MYBPC2: variants seen among roughly 807,000 people sequenced by gnomAD.
MYBPC2 encodes myosin-binding protein C, fast-type.
MYBPC2 carries 122 observed loss-of-function variants against 137.0 expected under a neutral mutation model. That is an observed-to-expected ratio of 0.89 (90% CI 0.77 to 1.03). The LOEUF is 1.03. MYBPC2 is among the 50% of genes least tolerant of loss of function. MYBPC2 has a pLI of 0.00. For missense variants in MYBPC2, 1,500 were observed against 1,534.4 expected (o/e 0.98, Z 0.37); for synonymous variants, 626 against 612.3 (o/e 1.02, Z -0.33).
intron 12 of MYBPC2, 117 bp downstream of exon 12, chr19:50,446,169 C>T: frequency 8.0e-7 from 1 of 1,248,218 alleles, no homozygotes; most frequent in East Asian, 2.6e-5. Flanking sequence ...TCCCACACAC[C>T]CTATGTTCAG....
In MYBPC2 at chr19:50,435,161, C is replaced by A. The variant is rs201530737; in HGVS notation, c.20C>A (p.Ala7Glu). ...ACTATGACTGTCCCCTACCTTACAGCGGCCAAAAAGGCCCCCAAAGGCAAA... is the reference window on the plus strand; with the variant it reads ...ACTATGACTGTCCCCTACCTTACAGAGGCCAAAAAGGCCCCCAAAGGCAAA... MPEAKP[A>E]AKKAPKGKDA... The change falls in exon 2 of 28, where the codon GCG becomes GAG. Residue 7 changes from alanine to glutamate, a missense_variant and splice_region_variant. Physicochemically the swap from Ala to Glu is moderately radical, Grantham distance 107. Coordinates refer to ENST00000357701, the MANE Select transcript of MYBPC2 (RefSeq NM_004533.4). This position sits in a 1 kb window ranked among gnomAD's most constrained non-coding sequence, Gnocchi z 4.8. 2 of 1,308,216 alleles carry A rather than the reference C, an allele frequency of 1.5e-6. No individual in the cohort carries two copies. Among genetic ancestry groups the A allele is most frequent in the Non-Finnish European group, 2.2e-6 (2 of 907,502 alleles). The allele number at this position is 1,308,216 out of a possible 1,614,324, so 81.0% of individuals were successfully genotyped here.
chr19:50,465,241 G>A lies in MYBPC2; in HGVS notation c.3415+709G>A, dbSNP rs987891605. 2.0e-5 allele frequency among the ~76,000 whole-genome samples: 3 copies of A among 152,156 alleles called. No individual in the cohort carries two copies. The highest frequency in any genetic ancestry group is 2.0e-4 in the Admixed American group (3 of 15,298). Reference sequence around the variant, plus strand: ...TCCACCCCGGTTCTTCCCACATGATGTCCCAGCCACACCGGGCTGTTGGCA... The same window carrying A: ...TCCACCCCGGTTCTTCCCACATGATATCCCAGCCACACCGGGCTGTTGGCA... On this transcript the variant is annotated intron_variant, in intron 27 of 27. Coordinates refer to ENST00000357701, the MANE Select transcript of MYBPC2 (RefSeq NM_004533.4). This position sits in a 1 kb window ranked among gnomAD's most constrained non-coding sequence, Gnocchi z 4.5.
In MYBPC2 at chr19:50,446,021, C is replaced by T. The variant is rs199929328; in HGVS notation, c.1275C>T (p.Gly425=). Residue 425 remains glycine, a synonymous_variant, in exon 12 of 28, where the codon GGC becomes GGT. Transcript: ENST00000357701. ...DRGRYQVITN[G]GQCEAELIVE... is the part of the protein sequence containing the mutation. Reference sequence around the variant, plus strand: ...GTCGCTATCAGGTCATAACCAATGGCGGCCAGTGTGAGGCCGAGCTGATTG... The same window carrying T: ...GTCGCTATCAGGTCATAACCAATGGTGGCCAGTGTGAGGCCGAGCTGATTG... 1.7e-4 allele frequency: 272 copies of T among 1,613,246 alleles called. No homozygotes were observed. The African/African-American group carries it at 2.9e-3, about 17-fold the overall frequency.
rs1009430167 is a variant in MYBPC2, at chr19:50,465,364, C to T, written c.3416-831C>T. Among the ~76,000 whole-genome samples the T allele has an allele frequency of 6.6e-6, 1 of 152,230 alleles. No homozygotes were observed. Among genetic ancestry groups the T allele is most frequent in the African/African-American group, 2.4e-5 (1 of 41,454 alleles). On this transcript the variant is annotated intron_variant, in intron 27 of 27. Transcript: ENST00000357701. The surrounding 1 kb of genome is among the most constrained non-coding windows in gnomAD (Gnocchi z 4.5). The stretch of plus-strand genomic sequence containing the variant: ...CCGCTCCTTTACCCTGGGCTCCGGC[C>T]CATCAGATGTCTGCCAGTCAAGGCT...
Position 50,464,392 on chromosome 19 carries a change from C to T in MYBPC2, c.3275C>T (p.Pro1092Leu), listed in dbSNP as rs752100116. 3.7e-6 allele frequency: 6 copies of T among 1,610,884 alleles called. No homozygotes were observed. Among genetic ancestry groups the T allele is most frequent in the Non-Finnish European group, 5.1e-6 (6 of 1,178,790 alleles). ...MKNKMEIRED[P>L]KFLITNYQGV... The stretch of plus-strand genomic sequence containing the variant: ...AACAAGATGGAAATCCGTGAAGATC[C>T]CAAGTTCCTGATAACCAATTACCAA... The change falls in exon 27 of 28, where the codon CCC becomes CTC. Residue 1092 changes from proline to leucine, a missense_variant. Transcript: ENST00000357701.
At chr19:50,442,672 C>T (rs904829896) in intron 9 of MYBPC2, among the ~76,000 whole-genome samples, 5 of 151,950 alleles carry the variant, frequency 3.3e-5, no homozygotes, top group South Asian at 2.1e-4. Context: ...GTTGCGGTTG[C>T]GGTGAGCTGA....
intron 20 of MYBPC2, among the ~76,000 whole-genome samples, chr19:50,456,120 CCAT>C (rs879935915): frequency 2.8e-5 from 4 of 142,274 alleles, no homozygotes; most frequent in Non-Finnish European, 4.6e-5. Flanking sequence ...ATCCATCCAT[CCAT>C]CATTTCCATC....
Position 50,435,267 on chromosome 19 carries a change from T to A in MYBPC2, c.109+17T>A. The A allele has an allele frequency of 9.4e-7, 1 of 1,067,090 alleles. No individual in the cohort carries two copies. Among genetic ancestry groups the A allele is most frequent in the Non-Finnish European group, 1.4e-6 (1 of 699,606 alleles). 66.1% of individuals were successfully genotyped at this position (1,067,090 alleles called of 1,614,324 possible). A position where few individuals can be genotyped will look rare whatever the true frequency, so the allele number is the denominator to read the frequency against. ...CCCCCAAAGGTGAGGAGGTGCTCCC[T>A]CGGGCTCAACCGACCTGGCTTCTCA... On this transcript the variant is annotated intron_variant, in intron 2 of 27. Coordinates refer to ENST00000357701, the MANE Select transcript of MYBPC2 (RefSeq NM_004533.4). This position sits in a 1 kb window ranked among gnomAD's most constrained non-coding sequence, Gnocchi z 4.8.
At chr19:50,459,090 C>T (rs1568668293) in intron 22 of MYBPC2, 21 bp from the exon 23 acceptor site, 2 of 1,549,900 alleles carry the variant, frequency 1.3e-6, no homozygotes, top group Non-Finnish European at 1.7e-6. Flanking sequence ...GACCCCACCC[C>T]GCCCCGCCCT....
chr19:50,464,234 TG>T, intron 26 of MYBPC2, 111 bp from the exon 27 acceptor site: 1 of 951,076 alleles, frequency 1.1e-6, no homozygotes, highest in Non-Finnish European at 1.5e-6. Flanking sequence ...CAAGAACATC[TG>T]GCAAGAGGGT....
rs2039714286 is a variant in MYBPC2, at chr19:50,437,481, C to G, written c.472C>G (p.Gln158Glu). Reference sequence around the variant, plus strand: ...TCATCACCTCTCCCCAGCACCCCGTCAGGATGCCTCTGGGCAGAGTCTAGA... The same window carrying G: ...TCATCACCTCTCCCCAGCACCCCGTGAGGATGCCTCTGGGCAGAGTCTAGA... ...GFNIDVEAPR[Q>E]DASGQSLESF... Residue 158 changes from glutamine to glutamate, a missense_variant, in exon 6 of 28, where the codon CAG becomes GAG. Physicochemically the swap from Gln to Glu is conservative, Grantham distance 29. Coordinates refer to ENST00000357701, the MANE Select transcript of MYBPC2 (RefSeq NM_004533.4). 1 of 1,611,002 alleles carries G rather than the reference C, an allele frequency of 6.2e-7. No homozygotes were observed. The highest frequency in any genetic ancestry group is 8.5e-7 in the Non-Finnish European group (1 of 1,178,670).
chr19:50,461,532 C>T lies in MYBPC2; in HGVS notation c.2932-10C>T, dbSNP rs751430261. 6.2e-7 allele frequency: 1 copy of T among 1,612,238 alleles called. No homozygotes were observed. Among genetic ancestry groups the T allele is most frequent in the African/African-American group, 1.3e-5 (1 of 74,884 alleles). ...CCGACCCGCCTGGTCCCTCCCTGTC[C>T]CCACACTAGGAGTGGTTCAACGTCT... On this transcript the variant is annotated splice_polypyrimidine_tract_variant and intron_variant, in intron 24 of 27. Coordinates refer to ENST00000357701, the MANE Select transcript of MYBPC2 (RefSeq NM_004533.4).
At chr19:50,434,308 A>G (rs1397065134) in intron 1 of MYBPC2, among the ~76,000 whole-genome samples, 2 of 147,322 alleles carry the variant, frequency 1.4e-5, no homozygotes, top group South Asian at 2.2e-4. Flanking sequence ...AGTGAGCCCA[A>G]ATCTTGCCAC....
chr19:50,437,633 C>T (rs781221120), intron 6 of MYBPC2, 26 bp from the exon 7 acceptor site: 5 of 1,598,402 alleles, frequency 3.1e-6, no homozygotes, highest in Non-Finnish European at 4.3e-6. Context: ...AGGGTCAAGA[C>T]TCACATGCCC....
At chr19:50,444,132 GTCCATCCATCCATCCATCCA>G (rs3087049) in intron 11 of MYBPC2, among the ~76,000 whole-genome samples, 24 of 144,594 alleles carry the variant, frequency 1.7e-4, no homozygotes, top group African/African-American at 3.1e-4. Flanking sequence ...CATCCACCCA[GTCCATCCATCCATCCATCCA>G]TCCATCCATC....
chr19:50,457,371 A>G (rs1413052615), intron 20 of MYBPC2, among the ~76,000 whole-genome samples: 1 of 152,044 alleles, frequency 6.6e-6, no homozygotes, highest in Non-Finnish European at 1.5e-5. Flanking sequence ...TAAACCCAAG[A>G]CAGAAGGGCA....
At position 50,461,570 on chromosome 19, in the gene MYBPC2, G is replaced by C; in HGVS notation, c.2960G>C (p.Arg987Thr). ...MEWFNVYERN[R>T]HTSCTVSDLI... is the part of the protein sequence containing the mutation. ...TGGTTCAACGTCTATGAACGTAACA[G>C]GCACACTAGCTGTACTGTGTCCGAC... Residue 987 changes from arginine to threonine, a missense_variant, in exon 25 of 28, where the codon AGG becomes ACG. By Grantham distance (71) the Arg-to-Thr change is moderately conservative. Coordinates refer to ENST00000357701, the MANE Select transcript of MYBPC2 (RefSeq NM_004533.4). 1.9e-6 allele frequency: 3 copies of C among 1,613,620 alleles called. No individual in the cohort carries two copies. Among genetic ancestry groups the C allele is most frequent in the Non-Finnish European group, 2.5e-6 (3 of 1,179,844 alleles).
chr19:50,441,087 G>T lies in MYBPC2; in HGVS notation c.769+11G>T. 1 of 1,576,224 alleles carries T rather than the reference G, an allele frequency of 6.3e-7. No homozygotes were observed. Among genetic ancestry groups the T allele is most frequent in the Non-Finnish European group, 8.6e-7 (1 of 1,161,514 alleles). ...TCAAGAAGAGTGCAGGTCAGCCCTG[G>T]TCTGGGGGGAGCTGGGCCCTGCACA... On this transcript the variant is annotated intron_variant, in intron 8 of 27. Transcript: ENST00000357701.
At chr19:50,438,230 T>C (rs895112689) in intron 7 of MYBPC2, among the ~76,000 whole-genome samples, 2 of 152,234 alleles carry the variant, frequency 1.3e-5, no homozygotes, top group South Asian at 2.1e-4. Flanking sequence ...TTTTCCCACC[T>C]GTTTACCTGC....
Sources: gnomAD v4.1 joint callset for allele counts (sites outside exome capture counted in the v4.1 genomes callset) on GRCh38, gnomAD v4.1.1 for gene constraint, Gnocchi (gnomAD v3.1) non-coding constraint, MANE v1.5 for transcripts, NCBI Gene and HGNC (gene_info 2026-07-23, HGNC 2026-07-21) for gene names.